The following CFAP95 variants were observed in gnomAD, a reference collection of about 807,000 sequenced individuals.
The protein encoded by CFAP95 is cilia and flagella associated protein 95.
the CFAP95 span, among the ~76,000 whole-genome samples, chr9:69,843,538 TCC>T: frequency 4.8e-4 from 13 of 26,898 alleles, 1 homozygote; most frequent in Admixed American, 4.5e-3. Flanking sequence ...CTCCTCCTCC[TCC>T]TCCTCCTCCT....
At chr9:69,900,681 G>T in the CFAP95 span, among the ~76,000 whole-genome samples, 1 of 152,140 alleles carries the variant, frequency 6.6e-6, no homozygotes, top group Non-Finnish European at 1.5e-5. Flanking sequence ...GCCCCTGTTA[G>T]TATCTTCCTC....
the CFAP95 span, among the ~76,000 whole-genome samples, chr9:69,899,872 A>G: frequency 6.6e-6 from 1 of 152,184 alleles, no homozygotes; most frequent in East Asian, 1.9e-4. Context: ...CTCCACTGGG[A>G]GAGGACTCTT....
the CFAP95 span, among the ~76,000 whole-genome samples, chr9:69,857,344 A>G: frequency 6.6e-6 from 1 of 152,206 alleles, no homozygotes; most frequent in Non-Finnish European, 1.5e-5. Context: ...ATCGAAGTGT[A>G]TGACACATAG....
chr9:69,893,426 G>A, the CFAP95 span, among the ~76,000 whole-genome samples: 2 of 152,162 alleles, frequency 1.3e-5, no homozygotes, highest in African/African-American at 4.8e-5. Context: ...TCCAGAACAG[G>A]GTGAAGATTC....
chr9:69,841,164 T>TTATATATATATATA, the CFAP95 span, among the ~76,000 whole-genome samples: 1,201 of 55,538 alleles, frequency 0.022, 59 homozygotes, highest in East Asian at 0.041. Flanking sequence ...CCAAGCTGGA[T>TTATATATATATATA]TATATATATA....
At chr9:69,898,286 C>T in the CFAP95 span, among the ~76,000 whole-genome samples, 1 of 152,182 alleles carries the variant, frequency 6.6e-6, no homozygotes, top group Admixed American at 6.5e-5. Context: ...CTCTCCTAAC[C>T]TCTCCTTGTC....
At chr9:69,848,497 G>A in the CFAP95 span, among the ~76,000 whole-genome samples, 1 of 152,126 alleles carries the variant, frequency 6.6e-6, no homozygotes, top group Non-Finnish European at 1.5e-5. Flanking sequence ...TCCCAAGAAA[G>A]TCACCTTGGA....
the CFAP95 span, among the ~76,000 whole-genome samples, chr9:69,846,740 G>C: frequency 6.6e-6 from 1 of 152,198 alleles, no homozygotes; most frequent in Admixed American, 6.5e-5. Context: ...GGATGGGCAA[G>C]TCCTTCTTCC....
At chr9:69,895,693 T>C in the CFAP95 span, among the ~76,000 whole-genome samples, 3 of 152,190 alleles carry the variant, frequency 2.0e-5, no homozygotes, top group African/African-American at 7.2e-5. Context: ...TTGTGGGGTC[T>C]TAATTCTCAG....
the CFAP95 span, among the ~76,000 whole-genome samples, chr9:69,895,369 C>CTCTCTGTGTGTGTGTGTGTG: frequency 2.5e-4 from 27 of 107,912 alleles, no homozygotes; most frequent in African/African-American, 3.7e-4. Flanking sequence ...CTCTCTCTCT[C>CTCTCTGTGTGTGTGTGTGTG]TGTGTGTGTG....
At chr9:69,821,035 A>G in the CFAP95 span, 1 of 1,612,530 alleles carries the variant, frequency 6.2e-7, no homozygotes, top group Admixed American at 1.7e-5. Flanking sequence ...ATTCCTGGTG[A>G]GCGAAGTCCC....
chr9:69,827,794 T>C, the CFAP95 span, among the ~76,000 whole-genome samples: 2 of 152,202 alleles, frequency 1.3e-5, no homozygotes, highest in African/African-American at 4.8e-5. Context: ...AGGCTTGTCC[T>C]CTCACAGCCC....
At chr9:69,886,126 C>T in the CFAP95 span, among the ~76,000 whole-genome samples, 88 of 152,220 alleles carry the variant, frequency 5.8e-4, no homozygotes, top group Non-Finnish European at 1.2e-3. Flanking sequence ...GTCTACTGTC[C>T]CTGGCTGTTA....
the CFAP95 span, among the ~76,000 whole-genome samples, chr9:69,878,158 C>T: frequency 2.6e-5 from 4 of 152,246 alleles, no homozygotes; most frequent in South Asian, 2.1e-4. Flanking sequence ...TACTGATAAT[C>T]GTGATACTAC....
At chr9:69,890,509 T>A in the CFAP95 span, among the ~76,000 whole-genome samples, 1 of 152,198 alleles carries the variant, frequency 6.6e-6, no homozygotes, top group Non-Finnish European at 1.5e-5. Flanking sequence ...ATAATAACAG[T>A]GGATAGTTAA....
At chr9:69,884,858 T>TTA in the CFAP95 span, among the ~76,000 whole-genome samples, 11 of 151,462 alleles carry the variant, frequency 7.3e-5, no homozygotes, top group South Asian at 1.9e-3. Context: ...GATTTGTCTT[T>TTA]AAAAAAAAAC....
the CFAP95 span, among the ~76,000 whole-genome samples, chr9:69,833,331 A>G: frequency 6.6e-6 from 1 of 152,196 alleles, no homozygotes; most frequent in African/African-American, 2.4e-5. Flanking sequence ...TGTAGTTTTT[A>G]TCAATACTTC....
the CFAP95 span, among the ~76,000 whole-genome samples, chr9:69,838,726 C>A: frequency 2.0e-5 from 3 of 147,396 alleles, no homozygotes; most frequent in South Asian, 6.7e-4. Flanking sequence ...CCCTTTATTT[C>A]CTTCTCCTGC....
chr9:69,824,826 T>G, the CFAP95 span, among the ~76,000 whole-genome samples: 1 of 152,224 alleles, frequency 6.6e-6, no homozygotes, highest in East Asian at 1.9e-4. Context: ...GACCAGAGGC[T>G]CACAGAAACC....
Sources: gnomAD v4.1 joint callset for allele counts (sites outside exome capture counted in the v4.1 genomes callset) on GRCh38, gnomAD v4.1.1 for gene constraint, MANE v1.5 for transcripts, NCBI Gene and HGNC (gene_info 2026-07-23, HGNC 2026-07-21) for gene names.